Variants in SIRPG observed in about 807,000 individuals in gnomAD.
SIRPG encodes the protein signal-regulatory protein gamma.
Under a neutral mutation model 35.7 loss-of-function variants are expected in SIRPG, and 38 were observed. The ratio of observed to expected loss-of-function variants is 1.06; its 90% CI spans 0.82 to 1.40. The LOEUF (loss-of-function observed/expected upper bound fraction) is 1.40, where lower values mean the gene tolerates loss of function less well. Among genes scored for constraint, SIRPG ranks in the 40% most tolerant of loss-of-function variants. The pLI is 0.00. For synonymous variants in SIRPG, 215 were observed against 190.4 expected (o/e 1.13, Z -1.06); for missense variants, 519 against 483.0 (o/e 1.07, Z -0.70).
At chr20:1,666,904 GTTTA>G in the SIRPG span, among the ~76,000 whole-genome samples, 45 of 151,688 alleles carry the variant, frequency 3.0e-4, no homozygotes, top group African/African-American at 1.1e-3. Flanking sequence ...GTTTAGAAAT[GTTTA>G]TTTACTTACT....
In SIRPG at chr20:1,639,633, C is replaced by A. The variant is rs556497837; in HGVS notation, c.431-3128G>T. On this transcript the variant is annotated intron_variant, in intron 2 of 5. Coordinates refer to ENST00000303415, the MANE Select transcript of SIRPG (RefSeq NM_018556.4). ...AGAATCTCTTTAGTTTAATTAGATA[C>A]CATTTGTCAACTTTCACTTTTGTTG... 5.6e-4 allele frequency among the ~76,000 whole-genome samples: 86 copies of A among 152,288 alleles called. 1 individual carries two copies. Among genetic ancestry groups the A allele is most frequent in the African/African-American group, 1.9e-3 (79 of 41,556 alleles).
chr20:1,641,019 T>C (rs969979171), intron 2 of SIRPG, among the ~76,000 whole-genome samples: 22 of 152,218 alleles, frequency 1.4e-4, no homozygotes, highest in Admixed American at 5.2e-4. Flanking sequence ...GCCAGTATTT[T>C]ATTGAGGATT....
chr20:1,649,594 A>G (rs866379125), intron 1 of SIRPG, among the ~76,000 whole-genome samples, 186 bp from the exon 2 acceptor site: 1 of 148,526 alleles, frequency 6.7e-6, no homozygotes, highest in Non-Finnish European at 1.5e-5. Flanking sequence ...CTGTATTACA[A>G]TTGAGGGCAC....
chr20:1,668,609 TA>T, the SIRPG span, among the ~76,000 whole-genome samples: 10 of 152,066 alleles, frequency 6.6e-5, no homozygotes, highest in Non-Finnish European at 1.5e-4. Context: ...ACCAAAAAAT[TA>T]AAGAGGAATT....
intron 4 of SIRPG, among the ~76,000 whole-genome samples, chr20:1,631,722 T>C (rs982690066): frequency 3.3e-5 from 5 of 152,324 alleles, no homozygotes; most frequent in African/African-American, 1.2e-4. Flanking sequence ...CTGGGCACCA[T>C]GGCTGGGATG....
At chr20:1,652,640 T>C (rs1445685240) in intron 1 of SIRPG, among the ~76,000 whole-genome samples, 1 of 152,214 alleles carries the variant, frequency 6.6e-6, no homozygotes, top group Non-Finnish European at 1.5e-5. Flanking sequence ...CAGAAAAGCA[T>C]CTGGTAAATT....
At chr20:1,678,408 C>T in the SIRPG span, among the ~76,000 whole-genome samples, 18 of 152,010 alleles carry the variant, frequency 1.2e-4, no homozygotes, top group East Asian at 2.3e-3. Context: ...AGAAATCAAA[C>T]GAGAACTTTA....
intron 2 of SIRPG, among the ~76,000 whole-genome samples, chr20:1,641,794 T>C (rs1366842950): frequency 1.3e-5 from 2 of 152,252 alleles, no homozygotes; most frequent in Admixed American, 6.5e-5. Flanking sequence ...ATGTTGTCTC[T>C]TTGTTCTTAT....
At chr20:1,676,566 G>A in the SIRPG span, 1 of 152,740 alleles carries the variant, frequency 6.5e-6, no homozygotes, top group Non-Finnish European at 1.5e-5. Context: ...TGAATGTGAG[G>A]TGCATTCTGA....
the SIRPG span, among the ~76,000 whole-genome samples, chr20:1,679,273 T>C: frequency 6.6e-6 from 1 of 152,144 alleles, no homozygotes. Context: ...AGATGTCCAG[T>C]TAGGTGTACA....
intron 2 of SIRPG, among the ~76,000 whole-genome samples, chr20:1,643,712 C>T (rs2091874308): frequency 6.6e-6 from 1 of 152,158 alleles, no homozygotes. Context: ...ATGAATATGT[C>T]TAGTTTTGAT....
the SIRPG span, among the ~76,000 whole-genome samples, chr20:1,665,692 G>A: frequency 6.6e-6 from 1 of 152,208 alleles, no homozygotes; most frequent in South Asian, 2.1e-4. Flanking sequence ...AAGGAGTGAC[G>A]CCTCCTCAAG....
chr20:1,638,517 C>A (rs2091822707), intron 2 of SIRPG: 1 of 151,870 alleles, frequency 6.6e-6, no homozygotes, highest in African/African-American at 2.4e-5. Flanking sequence ...CAAGTCTGGA[C>A]AACTGGCTTT....
At chr20:1,658,698 C>T (rs2091987646), upstream of SIRPG, among the ~76,000 whole-genome samples, 1 of 152,232 alleles carries the variant, frequency 6.6e-6, no homozygotes, top group Middle Eastern at 3.4e-3. Context: ...AGGTAATGAG[C>T]ATATCATGCC....
Position 1,630,292 on chromosome 20 carries a change from G to C in SIRPG, c.1096C>G (p.Leu366Val). The C allele has an allele frequency of 6.4e-7, 1 of 1,567,342 alleles. No individual in the cohort carries two copies. The highest frequency in any genetic ancestry group is 8.7e-7 in the Non-Finnish European group (1 of 1,155,520). ...SDATPGPASS[L>V]TALLLIAVLL... ...ACAGCTATGAGGAGCAGCGCAGTAA[G>C]GGATGATGCCGGGCCTGGAAATCAG... The change falls in exon 5 of 6, where the codon CTT becomes GTT. Residue 366 changes from leucine to valine, a missense_variant. Physicochemically the swap from Leu to Val is conservative, Grantham distance 32. Transcript: ENST00000303415.
rs138191942 is a variant in SIRPG at position 1,629,944 on chromosome 20, A to G, written c.*2+278T>C. On this transcript the variant is annotated intron_variant, in intron 5 of 5. Coordinates refer to ENST00000303415, the MANE Select transcript of SIRPG (RefSeq NM_018556.4). ...GAGTCCCAGCATTCAAATAATCTAC[A>G]GATAGCCTGCAAGGGACCACCCACT... Among the ~76,000 whole-genome samples, 228 of 152,310 alleles carry G rather than the reference A, an allele frequency of 1.5e-3. 1 individual carries two copies. Among genetic ancestry groups the G allele is most frequent in the African/African-American group, 5.2e-3 (217 of 41,572 alleles).
At chr20:1,654,306 A>T (rs922611968) in intron 1 of SIRPG, among the ~76,000 whole-genome samples, 5 of 152,182 alleles carry the variant, frequency 3.3e-5, no homozygotes, top group Non-Finnish European at 1.5e-5. Context: ...CTACAGTGTC[A>T]AAGTAATCAA....
At chr20:1,669,564 A>G in the SIRPG span, among the ~76,000 whole-genome samples, 289 of 152,358 alleles carry the variant, frequency 1.9e-3, 5 homozygotes, top group Admixed American at 0.017. Context: ...GGAAAAGTTT[A>G]GGACAGAACA....
rs146471324 is a variant in SIRPG at position 1,649,095 on chromosome 20, G to A, written c.387C>T (p.Asn129=). 2.2e-5 allele frequency: 35 copies of A among 1,613,758 alleles called. No homozygotes were observed. Among genetic ancestry groups the A allele is most frequent in the East Asian group, 2.0e-4 (9 of 44,888 alleles). Residue 129 remains asparagine (N), a synonymous_variant, in exon 2 of 6, where the codon AAC becomes AAT. Transcript: ENST00000303415. ...TGCCTGGTCCAGACTTAAACTCCAC[G>A]TTCTCAGGGCTCCCTTTTCGAAACT... ...CVKFRKGSPE[N]VEFKSGPGTE... is the part of the protein sequence containing the mutation.
Sources: allele counts gnomAD v4.1 joint callset (sites outside exome capture counted in the v4.1 genomes callset), GRCh38; gene constraint gnomAD v4.1.1; transcripts MANE v1.5; gene names NCBI Gene and HGNC (gene_info 2026-07-23, HGNC 2026-07-21).